LNPEP: variants seen among roughly 807,000 people sequenced by gnomAD.
LNPEP encodes the protein leucyl-cystinyl aminopeptidase.
In LNPEP, 64 loss-of-function variants were observed where a neutral mutation model predicts 120.6. The ratio of observed to expected loss-of-function variants is 0.53; its 90% CI spans 0.43 to 0.65. The LOEUF is 0.65. Among genes scored for constraint, LNPEP ranks in the 30% least tolerant of loss-of-function variants. The probability of loss-of-function intolerance (pLI) is 0.00; values close to 1 mark genes in which losing one functional copy is unlikely to be tolerated. For synonymous variants in LNPEP, 435 were observed against 425.4 expected, an observed-to-expected ratio of 1.02 and a Z score of -0.28; for missense variants, 1,057 against 1,200.0, an observed-to-expected ratio of 0.88 and a Z score of 1.76.
In LNPEP at chr5:97,031,171, A is replaced by G. The variant is rs1791461089; in HGVS notation, c.*2638A>G. Reference sequence around the variant, plus strand: ...TACTTGAATATAAAAGGGTCATCATACTAGATTATTAAAAAAGAATTGGAA... The same window carrying G: ...TACTTGAATATAAAAGGGTCATCATGCTAGATTATTAAAAAAGAATTGGAA... On this transcript the variant is annotated 3_prime_UTR_variant, in exon 18 of 18. Coordinates refer to ENST00000231368, the MANE Select transcript of LNPEP (RefSeq NM_005575.3). 1 of 143,030 alleles carries G rather than the reference A, an allele frequency of 7.0e-6. No homozygotes were observed. The highest frequency in any genetic ancestry group is 2.5e-5 in the African/African-American group (1 of 40,036). 8.9% of individuals were successfully genotyped at this position (143,030 alleles called of 1,614,324 possible). A position where few individuals can be genotyped will look rare whatever the true frequency, so the allele number is the denominator to read the frequency against.
At chr5:96,975,660 AAATT>A (rs1296236818) in intron 1 of LNPEP, among the ~76,000 whole-genome samples, 2 of 152,266 alleles carry the variant, frequency 1.3e-5, no homozygotes, top group East Asian at 3.9e-4. Context: ...GCATATAAAA[AAATT>A]AATTAGAAAA....
chr5:96,970,015 T>G (rs559592536), intron 1 of LNPEP, among the ~76,000 whole-genome samples: 2 of 152,094 alleles, frequency 1.3e-5, no homozygotes, highest in South Asian at 4.1e-4. Context: ...TACTAATTGA[T>G]TTTTTAATTG....
rs56823004 is a variant in LNPEP, at chr5:97,016,899, G to A, written c.2376+1804G>A. Among the ~76,000 whole-genome samples, 496 of 152,274 alleles carry A rather than the reference G, an allele frequency of 3.3e-3. 4 individuals are homozygous for A. Among genetic ancestry groups the A allele is most frequent in the African/African-American group, 0.011 (477 of 41,562 alleles). On this transcript the variant is annotated intron_variant, in intron 13 of 17. Coordinates refer to ENST00000231368, the MANE Select transcript of LNPEP (RefSeq NM_005575.3). ...GATTGGCCATTAGTTAACCAGTTCA[G>A]CTATTGTTGATAGACATTTGCGTTA...
At chr5:97,020,568 C>T (rs373306877) in intron 13 of LNPEP, among the ~76,000 whole-genome samples, 24 of 152,138 alleles carry the variant, frequency 1.6e-4, no homozygotes, top group South Asian at 6.2e-4. Flanking sequence ...TTTGGGAGGC[C>T]GAGGCAGGTG....
chr5:96,980,567 C>T (rs974395929), intron 2 of LNPEP, among the ~76,000 whole-genome samples: 8 of 152,032 alleles, frequency 5.3e-5, no homozygotes, highest in African/African-American at 1.9e-4. Context: ...TAAAATTATT[C>T]AGCTCCCTAT....
chr5:96,987,455 A>C (rs2112618173), intron 4 of LNPEP, among the ~76,000 whole-genome samples: 1 of 152,286 alleles, frequency 6.6e-6, no homozygotes, highest in South Asian at 2.1e-4. Context: ...ACCAGGGAAT[A>C]TACTGCTAGT....
intron 7 of LNPEP, among the ~76,000 whole-genome samples, chr5:96,997,247 A>G (rs182224258): frequency 7.0e-4 from 107 of 152,258 alleles, no homozygotes; most frequent in African/African-American, 2.5e-3. Context: ...TCCTGATGTT[A>G]TAATCCAAGA....
intron 11 of LNPEP, 148 bp downstream of exon 11, chr5:97,006,663 G>A (rs181686855): frequency 1.4e-4 from 84 of 604,740 alleles, no homozygotes; most frequent in African/African-American, 1.4e-3. Context: ...ATGTGAGATT[G>A]ATTCTGTATA....
chr5:96,971,320 C>G (rs1789856451), intron 1 of LNPEP, among the ~76,000 whole-genome samples: 2 of 147,920 alleles, frequency 1.4e-5, no homozygotes, highest in Non-Finnish European at 3.0e-5. Context: ...CAGTTTTGAC[C>G]ATGATGTGCT....
chr5:96,992,188 A>G (rs758832010), intron 4 of LNPEP, among the ~76,000 whole-genome samples: 1 of 152,194 alleles, frequency 6.6e-6, no homozygotes, highest in Non-Finnish European at 1.5e-5. Context: ...AAGAATTGCA[A>G]TTTAATAATA....
At chr5:97,027,586 C>T (rs1791375291) in intron 16 of LNPEP, 147 bp from the exon 17 acceptor site, 1 of 597,130 alleles carries the variant, frequency 1.7e-6, no homozygotes, top group Admixed American at 3.0e-5. Flanking sequence ...AATAAGTATG[C>T]ATAGGGCTAC....
intron 13 of LNPEP, among the ~76,000 whole-genome samples, chr5:97,017,442 A>G (rs1210428858): frequency 6.6e-6 from 1 of 151,774 alleles, no homozygotes; most frequent in Admixed American, 6.6e-5. Context: ...TACTCTCTTA[A>G]TGATTTTTTA....
At chr5:96,999,406 T>A (rs555367848) in intron 8 of LNPEP, among the ~76,000 whole-genome samples, 2 of 152,248 alleles carry the variant, frequency 1.3e-5, no homozygotes, top group Non-Finnish European at 2.9e-5. Context: ...GGCAGAAATG[T>A]TTTTCAGGTT....
rs1423969601 is a variant in LNPEP, at chr5:97,026,608, G to T, written c.2724-9G>T. ...TAATTTTGGAGGCTAAATCTGCTTTGCTCTTCAGGTTAATGAAAAGTAGCC... is the reference window on the plus strand; with the variant it reads ...TAATTTTGGAGGCTAAATCTGCTTTTCTCTTCAGGTTAATGAAAAGTAGCC... On this transcript the variant is annotated splice_polypyrimidine_tract_variant and intron_variant, in intron 15 of 17. Transcript: ENST00000231368. 1 of 1,608,620 alleles carries T rather than the reference G, an allele frequency of 6.2e-7. No homozygotes were observed. The highest frequency in any genetic ancestry group is 8.5e-7 in the Non-Finnish European group (1 of 1,176,484).
intron 1 of LNPEP, 138 bp from the exon 2 acceptor site, chr5:96,979,000 G>T (rs1790061911): frequency 2.3e-6 from 2 of 868,318 alleles, no homozygotes; most frequent in Non-Finnish European, 3.4e-6. Context: ...TAATTCAGTA[G>T]CTCTGAGATG....
rs372930106 is a variant in LNPEP at position 97,037,144 on chromosome 5, A to G, written c.*8611A>G. 3 of 152,210 alleles carry G rather than the reference A, an allele frequency of 2.0e-5. No homozygotes were observed. The highest frequency in any genetic ancestry group is 4.8e-5 in the African/African-American group (2 of 41,464). 9.4% of individuals were successfully genotyped at this position (152,210 alleles called of 1,614,324 possible). On this transcript the variant is annotated 3_prime_UTR_variant, in exon 18 of 18. Transcript: ENST00000231368. The stretch of plus-strand genomic sequence containing the variant: ...TTTACAGCTGTCTTGATTAAAGCCA[A>G]GTGTTCCATGTTGCTGTGAAGAATA...
Position 96,979,272 on chromosome 5 carries a change from C to T in LNPEP, c.154C>T (p.Arg52Ter), listed in dbSNP as rs1790068783. 2 of 1,613,798 alleles carry T rather than the reference C, an allele frequency of 1.2e-6. No homozygotes were observed. Among genetic ancestry groups the T allele is most frequent in the Admixed American group, 1.7e-5 (1 of 59,980 alleles). The change falls in exon 2 of 18, where the codon CGA becomes TGA. Residue 52 changes from arginine to a stop codon, truncating the protein, a stop_gained. Transcript: ENST00000231368. LOFTEE classifies it high-confidence loss of function. ...DEVEYEPRGS[R>*]LLVRGLGEHE... ...GGTGGAATATGAGCCCCGGGGTTCC[C>T]GACTGCTGGTGCGGGGTCTTGGTGA... is the stretch of plus-strand genomic sequence containing the variant.
At chr5:96,974,125 G>A (rs968760143) in intron 1 of LNPEP, among the ~76,000 whole-genome samples, 4 of 152,078 alleles carry the variant, frequency 2.6e-5, no homozygotes, top group South Asian at 2.1e-4. Flanking sequence ...TTAGAGATTT[G>A]TGGTATGACA....
At chr5:96,950,011 A>AT (rs903596449) in intron 1 of LNPEP, among the ~76,000 whole-genome samples, 13 of 151,836 alleles carry the variant, frequency 8.6e-5, no homozygotes, top group Non-Finnish European at 1.6e-4. Flanking sequence ...ATTCCAAATC[A>AT]TTTTTTGGAA....
Sources: allele counts gnomAD v4.1 joint callset (sites outside exome capture counted in the v4.1 genomes callset), GRCh38; gene constraint gnomAD v4.1.1; transcripts MANE v1.5; gene names NCBI Gene and HGNC (gene_info 2026-07-23, HGNC 2026-07-21).